The following GRAMD4 variants were observed in gnomAD, a reference collection of about 807,000 sequenced individuals.
The protein encoded by GRAMD4 is GRAM domain containing 4, also known as GRAM domain-containing protein 4.
Under a neutral mutation model 83.9 loss-of-function variants are expected in GRAMD4, and 25 were observed. The observed-to-expected ratio is 0.30, with a 90% CI of 0.22 to 0.42. The LOEUF (loss-of-function observed/expected upper bound fraction) is 0.42, where lower values mean the gene tolerates loss of function less well. Ranked by LOEUF, GRAMD4 falls within the 10% of genes least tolerant of loss-of-function variation. The probability of loss-of-function intolerance (pLI) is 1.00; values close to 1 mark genes in which losing one functional copy is unlikely to be tolerated. For missense variants in GRAMD4, 593 were observed against 788.7 expected, an observed-to-expected ratio of 0.75 and a Z score of 2.97; for synonymous variants, 336 against 320.9, an observed-to-expected ratio of 1.05 and a Z score of -0.50.
intron 1 of GRAMD4, among the ~76,000 whole-genome samples, chr22:46,601,896 C>T (rs901676749): frequency 5.3e-5 from 8 of 152,228 alleles, no homozygotes; most frequent in Non-Finnish European, 7.3e-5. Context: ...CTGATGGCTT[C>T]AGCCCCCAGT....
intron 1 of GRAMD4, among the ~76,000 whole-genome samples, chr22:46,607,083 G>A (rs1467882507): frequency 6.6e-6 from 1 of 152,190 alleles, no homozygotes. Flanking sequence ...ACAGCCCAGT[G>A]CCCCTGGTCT....
intron 1 of GRAMD4, among the ~76,000 whole-genome samples, chr22:46,577,740 C>T (rs889791551): frequency 3.9e-5 from 6 of 152,202 alleles, no homozygotes; most frequent in East Asian, 1.9e-4. Flanking sequence ...CTACAGACGA[C>T]CTCTCCAAAA....
chr22:46,592,983 C>T (rs1389170456), intron 1 of GRAMD4, among the ~76,000 whole-genome samples: 3 of 152,202 alleles, frequency 2.0e-5, no homozygotes, highest in South Asian at 2.1e-4. Context: ...TATTTTTGTT[C>T]ACCAACATAA....
At chr22:46,587,888 G>A (rs1158084749) in intron 1 of GRAMD4, 5 of 985,216 alleles carry the variant, frequency 5.1e-6, no homozygotes, top group African/African-American at 1.7e-5. Flanking sequence ...GGGGCCGCGG[G>A]AGGATGGTAC....
At chr22:46,662,058 T>C (rs1326408313) in intron 5 of GRAMD4, among the ~76,000 whole-genome samples, 1 of 152,218 alleles carries the variant, frequency 6.6e-6, no homozygotes, top group African/African-American at 2.4e-5. Flanking sequence ...ACCTGAAATT[T>C]CAGTCCATAA....
In GRAMD4 at chr22:46,679,422, A is replaced by G; in HGVS notation, c.*2171A>G. 2.0e-6 allele frequency: 2 copies of G among 985,480 alleles called. No individual in the cohort carries two copies. Among genetic ancestry groups the G allele is most frequent in the Non-Finnish European group, 2.4e-6 (2 of 829,950 alleles). 61.0% of individuals were successfully genotyped at this position (985,480 alleles called of 1,614,324 possible). ...GCCACCGACTGGCTCTGCTGCCAGC[A>G]CAGGCCCCTCCCTGGAAGTCCTCGG... On this transcript the variant is annotated 3_prime_UTR_variant, in exon 19 of 19. Coordinates refer to ENST00000406902, the MANE Select transcript of GRAMD4 (RefSeq NM_015124.5).
At chr22:46,655,911 G>A (rs953681660) in intron 3 of GRAMD4, among the ~76,000 whole-genome samples, 3 of 135,528 alleles carry the variant, frequency 2.2e-5, no homozygotes, top group East Asian at 2.2e-4. Flanking sequence ...TCAGCGGGTC[G>A]GGGACCTCCG....
rs750137542 is a variant in GRAMD4, at chr22:46,637,978, C to T, written c.283+18C>T. The T allele has an allele frequency of 6.2e-7, 1 of 1,611,782 alleles. No individual in the cohort carries two copies. Among genetic ancestry groups the T allele is most frequent in the East Asian group, 2.2e-5 (1 of 44,824 alleles). ...TTTCTTACGTGAGTACCAGAAAGCG[C>T]TTGGAGGGGATGGGACAAGGTGGGT... is the stretch of plus-strand genomic sequence containing the variant. On this transcript the variant is annotated intron_variant, in intron 3 of 18. Coordinates refer to ENST00000406902, the MANE Select transcript of GRAMD4 (RefSeq NM_015124.5).
chr22:46,601,702 G>C (rs527817564), intron 1 of GRAMD4, among the ~76,000 whole-genome samples: 1 of 152,158 alleles, frequency 6.6e-6, no homozygotes, highest in East Asian at 1.9e-4. Flanking sequence ...AGGCTGAGGA[G>C]GGAGGATTCC....
At chr22:46,625,925 A>G (rs1211887569) in intron 1 of GRAMD4, among the ~76,000 whole-genome samples, 1 of 152,196 alleles carries the variant, frequency 6.6e-6, no homozygotes, top group East Asian at 1.9e-4. Context: ...CTCGCACCTC[A>G]GTGTGACCAG....
chr22:46,644,381 T>TCCCTGTTCCAGGTTACACCTGC (rs1569284878), intron 3 of GRAMD4, among the ~76,000 whole-genome samples: 1 of 152,080 alleles, frequency 6.6e-6, no homozygotes, highest in Non-Finnish European at 1.5e-5. Flanking sequence ...GTTACACCTG[T>TCCCTGTTCCAGGTTACACCTGC]CCCTGTTCCA....
chr22:46,635,605 C>A (rs2081865708), intron 2 of GRAMD4, among the ~76,000 whole-genome samples: 1 of 102,334 alleles, frequency 9.8e-6, no homozygotes, highest in Non-Finnish European at 2.0e-5. Context: ...CGTGTCTTCC[C>A]TGCCCCGCCC....
intron 1 of GRAMD4, among the ~76,000 whole-genome samples, chr22:46,609,681 C>T (rs530111971): frequency 1.3e-5 from 2 of 152,318 alleles, no homozygotes; most frequent in Non-Finnish European, 2.9e-5. Context: ...CACGCACACA[C>T]TGGATTCCGC....
Position 46,633,695 on chromosome 22 carries a change from C to T in GRAMD4, c.163-4145C>T, listed in dbSNP as rs539166048. Among the ~76,000 whole-genome samples, 140 of 152,326 alleles carry T rather than the reference C, an allele frequency of 9.2e-4. 1 individual carries two copies. The highest frequency in any genetic ancestry group is 3.2e-3 in the African/African-American group (131 of 41,582). On this transcript the variant is annotated intron_variant, in intron 2 of 18. Transcript: ENST00000406902. Reference sequence around the variant, plus strand: ...CCTTGTCACCAAGAAGAATGGGGTCCTCTCTCTCCAGCATCACTTGAGACA... The same window carrying T: ...CCTTGTCACCAAGAAGAATGGGGTCTTCTCTCTCCAGCATCACTTGAGACA...
intron 1 of GRAMD4, among the ~76,000 whole-genome samples, chr22:46,598,987 C>T (rs951997337): frequency 6.6e-5 from 10 of 152,036 alleles, no homozygotes; most frequent in Admixed American, 1.3e-4. Context: ...TGGTGGCCTC[C>T]GGTGCCCACC....
upstream of GRAMD4, among the ~76,000 whole-genome samples, chr22:46,616,035 T>TGTTTCCCCTGTGC (rs2081484378): frequency 1.3e-4 from 1 of 7,794 alleles, no homozygotes; most frequent in Non-Finnish European, 3.0e-4. Context: ...GGTTCCCCCA[T>TGTTTCCCCTGTGC]GTGTAGGTTC....
intron 1 of GRAMD4, among the ~76,000 whole-genome samples, chr22:46,608,260 C>T (rs1003009760): frequency 4.6e-5 from 7 of 152,216 alleles, no homozygotes; most frequent in Non-Finnish European, 5.9e-5. Context: ...CAGGGCCGCC[C>T]GTGCTCTCAG....
At chr22:46,652,265 G>T (rs894537044) in intron 3 of GRAMD4, among the ~76,000 whole-genome samples, 1 of 152,134 alleles carries the variant, frequency 6.6e-6, no homozygotes, top group African/African-American at 2.4e-5. Flanking sequence ...TGTGAGGGTG[G>T]GGTTAGAGGT....
chr22:46,665,362 C>G (rs12170198), intron 8 of GRAMD4, among the ~76,000 whole-genome samples: 1 of 152,238 alleles, frequency 6.6e-6, no homozygotes, highest in Non-Finnish European at 1.5e-5. Flanking sequence ...CATGTGGAAC[C>G]AGCCGCCCTC....
Sources: allele counts gnomAD v4.1 joint callset (sites outside exome capture counted in the v4.1 genomes callset), GRCh38; gene constraint gnomAD v4.1.1; transcripts MANE v1.5; gene names NCBI Gene and HGNC (gene_info 2026-07-23, HGNC 2026-07-21).